Variants in WWOX observed in about 807,000 individuals in gnomAD.
WWOX encodes WW domain containing oxidoreductase.
A neutral mutation model predicts 46.2 loss-of-function variants in WWOX; 69 were observed. The ratio of observed to expected loss-of-function variants is 1.49; its 90% confidence interval spans 1.23 to 1.82. WWOX has a LOEUF of 1.82. WWOX is among the 40% of genes most tolerant of loss of function. The pLI is 0.00. For synonymous variants in WWOX, 359 were observed against 202.6 expected (o/e 1.77, Z -6.56); for missense variants, 919 against 542.6 (o/e 1.69, Z -6.89).
chr16:78,850,909 A>T (rs780441070), intron 8 of WWOX, among the ~76,000 whole-genome samples: 1 of 152,186 alleles, frequency 6.6e-6, no homozygotes, highest in Non-Finnish European at 1.5e-5. Context: ...TCACTTATTG[A>T]TCAGTCATGA....
chr16:78,665,562 C>T (rs1386354328), intron 8 of WWOX, among the ~76,000 whole-genome samples: 2 of 152,102 alleles, frequency 1.3e-5, no homozygotes, highest in African/African-American at 4.8e-5. Flanking sequence ...TCATAATCTC[C>T]TTTCCCTCTA....
Position 78,913,510 on chromosome 16 carries a change from T to C in WWOX, c.1057-298098T>C, listed in dbSNP as rs558106019. Among the ~76,000 whole-genome samples the C allele has an allele frequency of 2.6e-5, 4 of 152,108 alleles. No individual in the cohort carries two copies. The South Asian group carries it at 8.3e-4, about 32-fold the overall frequency. On this transcript the variant is annotated intron_variant, in intron 8 of 8. Transcript: ENST00000566780. ...TGTTGGAAGCCATACACAAGCTGGA[T>C]AGAGCCAGGGTCCCTGAGTTCACCA...
intron 8 of WWOX, among the ~76,000 whole-genome samples, chr16:78,741,570 T>C (rs2049229134): frequency 1.4e-5 from 2 of 140,188 alleles, no homozygotes; most frequent in African/African-American, 5.5e-5. Context: ...AAACAAAATA[T>C]CTGGCTGGGC....
At position 79,172,860 on chromosome 16, in the gene WWOX, G is replaced by GA. The variant is rs67426071; in HGVS notation, c.1057-38735dup. ...GGGCAATATAGACTACCTGCAAAAAGAAAAAAAAAAAAATGCCAGGTGTAG... is the reference window on the plus strand; with the variant it reads ...GGGCAATATAGACTACCTGCAAAAAGAAAAAAAAAAAAAATGCCAGGTGTAG... On this transcript the variant is annotated intron_variant, in intron 8 of 8. Coordinates refer to ENST00000566780, the MANE Select transcript of WWOX (RefSeq NM_016373.4). 2.9e-3 allele frequency among the ~76,000 whole-genome samples: 422 copies of GA among 145,448 alleles called. 4 individuals carry two copies. Among genetic ancestry groups the GA allele is most frequent in the Middle Eastern group, 7.2e-3 (2 of 276 alleles).
At chr16:78,110,465 A>C (rs2032427918) in intron 3 of WWOX, among the ~76,000 whole-genome samples, 1 of 151,954 alleles carries the variant, frequency 6.6e-6, no homozygotes, top group Non-Finnish European at 1.5e-5. Flanking sequence ...GATGCTATTT[A>C]GCAGCTCTAG....
intron 8 of WWOX, among the ~76,000 whole-genome samples, chr16:79,182,647 C>A (rs944979681): frequency 2.6e-5 from 4 of 152,132 alleles, no homozygotes; most frequent in African/African-American, 9.7e-5. Flanking sequence ...CAAATCCTGA[C>A]CCCTCCTCTT....
At chr16:78,917,659 A>C (rs778276176) in intron 8 of WWOX, among the ~76,000 whole-genome samples, 2 of 152,070 alleles carry the variant, frequency 1.3e-5, no homozygotes, top group Non-Finnish European at 2.9e-5. Flanking sequence ...CTTGCCATTT[A>C]ATATCTCTTG....
chr16:78,964,145 G>C (rs1201623170), intron 8 of WWOX, among the ~76,000 whole-genome samples: 4 of 152,168 alleles, frequency 2.6e-5, no homozygotes, highest in African/African-American at 9.7e-5. Flanking sequence ...CAGTAGAGTG[G>C]GGCATTGCTG....
chr16:79,195,433 G>C (rs1211560849), intron 8 of WWOX, among the ~76,000 whole-genome samples: 4 of 152,128 alleles, frequency 2.6e-5, no homozygotes, highest in Non-Finnish European at 4.4e-5. Context: ...GTGTTGCTTT[G>C]GTAGGGAGCT....
At chr16:78,504,196 T>A (rs914449583) in intron 8 of WWOX, among the ~76,000 whole-genome samples, 3 of 152,196 alleles carry the variant, frequency 2.0e-5, no homozygotes, top group African/African-American at 7.2e-5. Context: ...TAGAAATGCA[T>A]CTGTGGAAAA....
chr16:78,785,398 C>T (rs976506670), intron 8 of WWOX, among the ~76,000 whole-genome samples: 29 of 152,312 alleles, frequency 1.9e-4, no homozygotes, highest in Admixed American at 6.5e-4. Context: ...CCAAGGTGGT[C>T]TCACTCTGCA....
chr16:78,574,821 T>C (rs1387625209), intron 8 of WWOX, among the ~76,000 whole-genome samples: 1 of 149,314 alleles, frequency 6.7e-6, no homozygotes, highest in African/African-American at 2.5e-5. Context: ...AGTGGGGAGG[T>C]GTTGATCTAA....
rs142786670 is a variant in WWOX at position 79,054,831 on chromosome 16, C to G, written c.1057-156777C>G. On this transcript the variant is annotated intron_variant, in intron 8 of 8. Coordinates refer to ENST00000566780, the MANE Select transcript of WWOX (RefSeq NM_016373.4). ...AAAGAGTATGACCTTTGTCTCAAAA[C>G]AAACAAAGAAAAATCATAAAAGGGA... Among the ~76,000 whole-genome samples the G allele has an allele frequency of 2.6e-3, 394 of 152,142 alleles. 3 individuals are homozygous for G. The highest frequency in any genetic ancestry group is 8.8e-3 in the African/African-American group (367 of 41,514).
intron 6 of WWOX, among the ~76,000 whole-genome samples, chr16:78,387,382 C>A (rs1377130791): frequency 6.6e-6 from 1 of 152,152 alleles, no homozygotes; most frequent in Admixed American, 6.5e-5. Context: ...TTTCTAAAGC[C>A]TTCGATGATT....
At chr16:78,837,568 A>G (rs146739840) in intron 8 of WWOX, among the ~76,000 whole-genome samples, 259 of 152,258 alleles carry the variant, frequency 1.7e-3, no homozygotes, top group African/African-American at 6.0e-3. Flanking sequence ...TTTATTTTCT[A>G]GCAGTGCAAG....
intron 8 of WWOX, among the ~76,000 whole-genome samples, chr16:78,981,130 C>T (rs978811634): frequency 6.6e-6 from 1 of 152,174 alleles, no homozygotes; most frequent in South Asian, 2.1e-4. Context: ...GAACCAGTGT[C>T]CTAGCTGGGA....
intron 5 of WWOX, among the ~76,000 whole-genome samples, chr16:78,188,923 G>GT (rs1191027926): frequency 3.3e-5 from 5 of 152,174 alleles, no homozygotes; most frequent in African/African-American, 1.2e-4. Context: ...CTGCTTTAAA[G>GT]TTATTGAAGC....
chr16:78,976,081 T>C (rs899242739), intron 8 of WWOX, among the ~76,000 whole-genome samples: 3 of 152,204 alleles, frequency 2.0e-5, no homozygotes, highest in African/African-American at 7.2e-5. Context: ...GGCATTGTTA[T>C]TCCATCCGAA....
At chr16:79,030,380 G>T (rs548630475) in intron 8 of WWOX, among the ~76,000 whole-genome samples, 1 of 152,262 alleles carries the variant, frequency 6.6e-6, no homozygotes, top group South Asian at 2.1e-4. Flanking sequence ...TTGCTTTCAA[G>T]ACTACCCAGC....
Sources: gnomAD v4.1 joint callset for allele counts (sites outside exome capture counted in the v4.1 genomes callset) on GRCh38, gnomAD v4.1.1 for gene constraint, MANE v1.5 for transcripts, NCBI Gene and HGNC (gene_info 2026-07-23, HGNC 2026-07-21) for gene names.